The following ZBBX variants were observed in gnomAD, a reference collection of about 807,000 sequenced individuals.
ZBBX encodes zinc finger B-box domain-containing protein 1.
In ZBBX, 101 loss-of-function variants were observed where a neutral mutation model predicts 108.5. The observed-to-expected ratio is 0.93, with a 90% CI of 0.79 to 1.10. The LOEUF is 1.10. ZBBX is among the 50% of genes least tolerant of loss of function. The pLI is 0.00. For missense variants in ZBBX, 1,009 were observed against 941.4 expected, an observed-to-expected ratio of 1.07 and a Z score of -0.94; for synonymous variants, 356 against 323.4, an observed-to-expected ratio of 1.10 and a Z score of -1.08.
At chr3:167,364,140 G>A (rs4546147) in intron 6 of ZBBX, among the ~76,000 whole-genome samples, 1 of 151,286 alleles carries the variant, frequency 6.6e-6, no homozygotes, top group Non-Finnish European at 1.5e-5. Context: ...GTGCATTGTA[G>A]GATGTTTAGC....
chr3:167,284,811 T>G (rs1426998934), intron 19 of ZBBX, among the ~76,000 whole-genome samples: 1 of 152,148 alleles, frequency 6.6e-6, no homozygotes, highest in Non-Finnish European at 1.5e-5. Context: ...GTTTGATTCT[T>G]GATTTTGTTT....
At chr3:167,194,244 A>T in the ZBBX span, among the ~76,000 whole-genome samples, 1 of 149,474 alleles carries the variant, frequency 6.7e-6, no homozygotes. Context: ...ATATATATAT[A>T]TATATATGTA....
chr3:167,361,792 T>C (rs1744556381), intron 6 of ZBBX, among the ~76,000 whole-genome samples: 1 of 152,190 alleles, frequency 6.6e-6, no homozygotes, highest in Admixed American at 6.6e-5. Flanking sequence ...CATAACCAAA[T>C]TATCCAGTAT....
At chr3:167,255,685 G>A (rs536359866) in intron 20 of ZBBX, among the ~76,000 whole-genome samples, 1 of 151,950 alleles carries the variant, frequency 6.6e-6, no homozygotes, top group Non-Finnish European at 1.5e-5. Context: ...TGAGTACAAA[G>A]TAGGTATATA....
chr3:167,240,802 C>T lies in ZBBX; in HGVS notation c.2511G>A (p.Lys837=), dbSNP rs778804164. Residue 837 remains lysine (K), a synonymous_variant, in exon 22 of 22, where the codon AAG becomes AAA. Coordinates refer to ENST00000675490, the MANE Select transcript of ZBBX (RefSeq NM_001199201.2). Reference sequence around the variant, plus strand: ...AATGAACAAATAATCTTTAAGTACTCTTTGACCACGGTAGTGTGATGACAT... The same window carrying T: ...AATGAACAAATAATCTTTAAGTACTTTTTGACCACGGTAGTGTGATGACAT... The part of the protein sequence containing the change: ...KQHVITLPWS[K]ST 1.2e-6 allele frequency: 2 copies of T among 1,612,970 alleles called. No homozygotes were observed. Among genetic ancestry groups the T allele is most frequent in the South Asian group, 1.1e-5 (1 of 90,980 alleles).
At chr3:167,398,377 T>C (rs1313266642) in intron 1 of ZBBX, among the ~76,000 whole-genome samples, 2 of 152,076 alleles carry the variant, frequency 1.3e-5, no homozygotes, top group Non-Finnish European at 2.9e-5. Context: ...TAAGATTCTT[T>C]AAAGGGCCCA....
At chr3:167,184,484 C>G in the ZBBX span, among the ~76,000 whole-genome samples, 1 of 152,010 alleles carries the variant, frequency 6.6e-6, no homozygotes, top group Non-Finnish European at 1.5e-5. Context: ...ATCATATGAC[C>G]CAGAAATCTT....
At chr3:167,238,981 T>G (rs536915564), downstream of ZBBX, among the ~76,000 whole-genome samples, 547 of 152,214 alleles carry the variant, frequency 3.6e-3, 2 homozygotes, top group African/African-American at 0.013. Flanking sequence ...TATCTATATA[T>G]CTATATCTAT....
intron 9 of ZBBX, among the ~76,000 whole-genome samples, chr3:167,342,794 A>G (rs1213542067): frequency 2.0e-5 from 3 of 149,840 alleles, no homozygotes; most frequent in African/African-American, 7.4e-5. Context: ...AAGTGTTATT[A>G]CCACAAAAAA....
chr3:167,210,444 T>C, the ZBBX span, among the ~76,000 whole-genome samples: 6 of 152,290 alleles, frequency 3.9e-5, no homozygotes, highest in East Asian at 1.2e-3. Flanking sequence ...ATCTAAGAAT[T>C]ATTTGACTTA....
intron 17 of ZBBX, among the ~76,000 whole-genome samples, chr3:167,303,429 G>C (rs1733063656): frequency 6.6e-6 from 1 of 151,908 alleles, no homozygotes; most frequent in Non-Finnish European, 1.5e-5. Flanking sequence ...TTCTCAAATT[G>C]GGCATTCTAA....
At chr3:167,209,246 T>G in the ZBBX span, among the ~76,000 whole-genome samples, 1 of 151,978 alleles carries the variant, frequency 6.6e-6, no homozygotes, top group Non-Finnish European at 1.5e-5. Flanking sequence ...TAAACTGAGG[T>G]GTTAGCCAGG....
the ZBBX span, among the ~76,000 whole-genome samples, chr3:167,213,196 G>C: frequency 6.6e-6 from 1 of 152,094 alleles, no homozygotes; most frequent in South Asian, 2.1e-4. Flanking sequence ...AGGCCAAAGA[G>C]GCTAGAATGA....
intron 1 of ZBBX, among the ~76,000 whole-genome samples, chr3:167,394,449 T>C (rs925734699): frequency 1.3e-5 from 2 of 151,940 alleles, no homozygotes; most frequent in Non-Finnish European, 2.9e-5. Flanking sequence ...TGACAAAGAA[T>C]ACAGTTGCTT....
the ZBBX span, among the ~76,000 whole-genome samples, chr3:167,213,782 G>GA: frequency 6.6e-6 from 1 of 152,072 alleles, no homozygotes; most frequent in East Asian, 1.9e-4. Context: ...CAGCTAGAAA[G>GA]AAAAAGCAGG....
the ZBBX span, among the ~76,000 whole-genome samples, chr3:167,179,759 C>A: frequency 6.6e-6 from 1 of 152,134 alleles, no homozygotes; most frequent in African/African-American, 2.4e-5. Context: ...ATTACTAGAC[C>A]CATCTGTGAA....
intron 18 of ZBBX, among the ~76,000 whole-genome samples, chr3:167,291,584 C>G (rs1730698482): frequency 6.6e-6 from 1 of 152,108 alleles, no homozygotes; most frequent in Non-Finnish European, 1.5e-5. Context: ...ACAAATGGTA[C>G]CAGACACTGC....
intron 21 of ZBBX, among the ~76,000 whole-genome samples, chr3:167,241,179 CTT>C (rs1278789234): frequency 6.6e-6 from 1 of 152,084 alleles, no homozygotes; most frequent in East Asian, 1.9e-4. Context: ...CTGATTGTGT[CTT>C]TTGTTGATGA....
the ZBBX span, among the ~76,000 whole-genome samples, chr3:167,207,752 G>T: frequency 6.6e-6 from 1 of 152,058 alleles, no homozygotes; most frequent in Non-Finnish European, 1.5e-5. Context: ...GGAGAGTTGG[G>T]GGAGCAAGGT....
Sources: allele counts gnomAD v4.1 joint callset (sites outside exome capture counted in the v4.1 genomes callset), GRCh38; gene constraint gnomAD v4.1.1; transcripts MANE v1.5; gene names NCBI Gene and HGNC (gene_info 2026-07-23, HGNC 2026-07-21).